Variants in MED7 observed in about 807,000 individuals in gnomAD.
MED7 encodes the protein mediator complex subunit 7, also known as mediator of RNA polymerase II transcription subunit 7.
In MED7, 7 loss-of-function variants were observed where a neutral mutation model predicts 16.6. That is an observed-to-expected ratio of 0.42 (90% confidence interval 0.24 to 0.79). The LOEUF (loss-of-function observed/expected upper bound fraction) is 0.79, where lower values mean the gene tolerates loss of function less well. Among genes scored for constraint, MED7 ranks in the 30% least tolerant of loss-of-function variants. MED7 has a pLI of 0.27. For synonymous variants in MED7, 88 were observed against 90.5 expected (o/e 0.97, Z 0.16); for missense variants, 240 against 286.3 (o/e 0.84, Z 1.17).
Position 157,138,643 on chromosome 5 carries a change from G to C in MED7, c.*87C>G. On this transcript the variant is annotated 3_prime_UTR_variant, in exon 2 of 2. Coordinates refer to ENST00000286317, the MANE Select transcript of MED7 (RefSeq NM_004270.5). ...AAGATTAAAGCTGTTTACATTTTTA[G>C]TGAAACTTCTCTTAAGACTGTCCAA... 1 of 1,185,818 alleles carries C rather than the reference G, an allele frequency of 8.4e-7. No individual in the cohort carries two copies. Among genetic ancestry groups the C allele is most frequent in the Non-Finnish European group, 1.2e-6 (1 of 853,258 alleles). 73.5% of individuals were successfully genotyped at this position (1,185,818 alleles called of 1,614,324 possible).
At chr5:157,140,237 C>T (rs539116331) in intron 1 of MED7, among the ~76,000 whole-genome samples, 4 of 152,308 alleles carry the variant, frequency 2.6e-5, no homozygotes, top group South Asian at 4.1e-4. Flanking sequence ...GGTCTCTTTA[C>T]TCCCCATCTC....
chr5:157,141,472 C>A (rs1757723499), intron 1 of MED7, among the ~76,000 whole-genome samples: 1 of 152,242 alleles, frequency 6.6e-6, no homozygotes, highest in African/African-American at 2.4e-5. Flanking sequence ...GATGTGCATT[C>A]CTGTATTGCG....
Position 157,138,790 on chromosome 5 carries a change from C to G in MED7, c.642G>C (p.Gln214His). The G allele has an allele frequency of 6.2e-7, 1 of 1,614,032 alleles. No individual in the cohort carries two copies. Among genetic ancestry groups the G allele is most frequent in the South Asian group, 1.1e-5 (1 of 91,040 alleles). ...QRENSGHRRD[Q>H]IIEKDAALCV... ...ACAAGGCAGCATCTTTCTCTATAAT[C>G]TGATCTCTCCTATGACCTGAATTTT... is the stretch of plus-strand genomic sequence containing the variant. Residue 214 changes from glutamine (Q) to histidine (H), a missense_variant, in exon 2 of 2, where the codon CAG becomes CAC. Coordinates refer to ENST00000286317, the MANE Select transcript of MED7 (RefSeq NM_004270.5).
At position 157,138,186 on chromosome 5, in the gene MED7, G is replaced by C. The variant is rs1757665058; in HGVS notation, c.*544C>G. 6.6e-6 allele frequency: 1 copy of C among 152,346 alleles called. No individual in the cohort carries two copies. The highest frequency in any genetic ancestry group is 2.4e-5 in the African/African-American group (1 of 41,450). 9.4% of individuals were successfully genotyped at this position (152,346 alleles called of 1,614,324 possible). ...GGACTTCCCTGCAAGAGTCCATTCA[G>C]GATAGGGAGAAAAGACTGAGCTAGT... is the stretch of plus-strand genomic sequence containing the variant. On this transcript the variant is annotated 3_prime_UTR_variant, in exon 2 of 2. Transcript: ENST00000286317.
rs772767081 is a variant in MED7, at chr5:157,139,315, T to C, written c.117A>G (p.Lys39=). The C allele has an allele frequency of 3.7e-6, 6 of 1,614,110 alleles. No homozygotes were observed. Among genetic ancestry groups the C allele is most frequent in the Admixed American group, 1.7e-5 (1 of 60,004 alleles). Residue 39 remains lysine, a synonymous_variant, in exon 2 of 2, where the codon AAA becomes AAG. Transcript: ENST00000286317. ...GLAPKPPPPI[K]DSYMMFGNQF... Reference sequence around the variant, plus strand: ...GATTGCCAAACATCATGTAACTGTCTTTTATTGGAGGGGGAGGCTTGGGAG... The same window carrying C: ...GATTGCCAAACATCATGTAACTGTCCTTTATTGGAGGGGGAGGCTTGGGAG...
At position 157,138,707 on chromosome 5, in the gene MED7, A is replaced by G. The variant is rs748793891; in HGVS notation, c.*23T>C. 3 of 1,541,390 alleles carry G rather than the reference A, an allele frequency of 1.9e-6. No homozygotes were observed. The highest frequency in any genetic ancestry group is 2.6e-6 in the Non-Finnish European group (3 of 1,144,024). On this transcript the variant is annotated 3_prime_UTR_variant, in exon 2 of 2. Transcript: ENST00000286317. Reference sequence around the variant, plus strand: ...AATATATGATGCTATTATCAAAAGGAAAAAAAGAAAAAGAAACATCTTTCA... The same window carrying G: ...AATATATGATGCTATTATCAAAAGGGAAAAAAGAAAAAGAAACATCTTTCA...
Position 157,138,418 on chromosome 5 carries a change from A to G in MED7, c.*312T>C, listed in dbSNP as rs181116420. 2.1e-4 allele frequency: 51 copies of G among 240,628 alleles called. No homozygotes were observed. The highest frequency in any genetic ancestry group is 1.0e-3 in the African/African-American group (46 of 44,686). 14.9% of individuals were successfully genotyped at this position (240,628 alleles called of 1,614,324 possible). ...AAAGCAAATGCTAAATCCCCTTTTC[A>G]AAGACGAAAACTTTGCTATTATTGA... is the stretch of plus-strand genomic sequence containing the variant. On this transcript the variant is annotated 3_prime_UTR_variant, in exon 2 of 2. Coordinates refer to ENST00000286317, the MANE Select transcript of MED7 (RefSeq NM_004270.5).
chr5:157,141,592 T>C (rs1209957607), intron 1 of MED7, among the ~76,000 whole-genome samples: 1 of 151,976 alleles, frequency 6.6e-6, no homozygotes, highest in African/African-American at 2.4e-5. Flanking sequence ...GTTTTTGTTG[T>C]TAGTTTTGTT....
Position 157,139,002 on chromosome 5 carries a change from G to A in MED7, c.430C>T (p.Arg144Cys), listed in dbSNP as rs1343603417. Reference sequence around the variant, plus strand: ...CTCTCAGCTGTTTCAAGCCGTTGACGTTTCTGGACCTCCATCATGACTCTC... The same window carrying A: ...CTCTCAGCTGTTTCAAGCCGTTGACATTTCTGGACCTCCATCATGACTCTC... ...TLRVMMEVQKRQRLETAERFQ... is the reference protein window; with the variant it reads ...TLRVMMEVQKCQRLETAERFQ... The change falls in exon 2 of 2, where the codon CGT becomes TGT. Residue 144 changes from arginine (R) to cysteine (C), a missense_variant. Arg to Cys is a radical substitution (Grantham distance 180, BLOSUM62 -3). Transcript: ENST00000286317. The A allele has an allele frequency of 5.0e-6, 8 of 1,614,028 alleles. No individual in the cohort carries two copies. Among genetic ancestry groups the A allele is most frequent in the Non-Finnish European group, 5.9e-6 (7 of 1,180,036 alleles).
In MED7 at chr5:157,138,056, T is replaced by C. The variant is rs1488088902; in HGVS notation, c.*674A>G. 6.6e-6 allele frequency: 1 copy of C among 152,076 alleles called. No homozygotes were observed. Among genetic ancestry groups the C allele is most frequent in the Non-Finnish European group, 1.5e-5 (1 of 68,026 alleles). The allele number at this position is 152,076 out of a possible 1,614,324, so 9.4% of individuals were successfully genotyped here. ...TGAGCTTAGCTTTAAAGAAAATGTA[T>C]AGCTAATGACACAGACATCTTAATT... On this transcript the variant is annotated 3_prime_UTR_variant, in exon 2 of 2. Coordinates refer to ENST00000286317, the MANE Select transcript of MED7 (RefSeq NM_004270.5).
rs1266112636 is a variant in MED7 at position 157,139,062 on chromosome 5, T to C, written c.370A>G (p.Asn124Asp). The change falls in exon 2 of 2, where the codon AAT becomes GAT. Residue 124 changes from asparagine (N) to aspartate (D), a missense_variant. Transcript: ENST00000286317. ...CTTGCTTGGTGGGGTCGGTATTCATTTATAAGATGATGCACGTGTACAAAA... is the reference window on the plus strand; with the variant it reads ...CTTGCTTGGTGGGGTCGGTATTCATCTATAAGATGATGCACGTGTACAAAA... ...LLFVHVHHLI[N>D]EYRPHQARET... The C allele has an allele frequency of 6.2e-7, 1 of 1,614,024 alleles. No individual in the cohort carries two copies. The highest frequency in any genetic ancestry group is 8.5e-7 in the Non-Finnish European group (1 of 1,180,008).
chr5:157,139,347 C>T lies in MED7; in HGVS notation c.85G>A (p.Gly29Ser). The T allele has an allele frequency of 1.2e-6, 2 of 1,612,946 alleles. No individual in the cohort carries two copies. Among genetic ancestry groups the T allele is most frequent in the Non-Finnish European group, 1.7e-6 (2 of 1,179,652 alleles). Residue 29 changes from glycine (G) to serine (S), a missense_variant, in exon 2 of 2, where the codon GGC (glycine) becomes AGC (serine). Coordinates refer to ENST00000286317, the MANE Select transcript of MED7 (RefSeq NM_004270.5). ...GGAGGGGGAGGCTTGGGAGCTAAGCCTTCTTGAATATTTTCATCCGTATAT... is the reference window on the plus strand; with the variant it reads ...GGAGGGGGAGGCTTGGGAGCTAAGCTTTCTTGAATATTTTCATCCGTATAT... ...KEYTDENIQE[G>S]LAPKPPPPIK...
intron 1 of MED7, among the ~76,000 whole-genome samples, chr5:157,141,059 A>G (rs1180195997): frequency 6.6e-6 from 1 of 151,712 alleles, no homozygotes; most frequent in Non-Finnish European, 1.5e-5. Context: ...CAAAGAATTA[A>G]CAGTGATCTG....
In MED7 at chr5:157,138,652, C is replaced by A; in HGVS notation, c.*78G>T. On this transcript the variant is annotated 3_prime_UTR_variant, in exon 2 of 2. Coordinates refer to ENST00000286317, the MANE Select transcript of MED7 (RefSeq NM_004270.5). Reference sequence around the variant, plus strand: ...GCTGTTTACATTTTTAGTGAAACTTCTCTTAAGACTGTCCAAAAGAAAATG... The same window carrying A: ...GCTGTTTACATTTTTAGTGAAACTTATCTTAAGACTGTCCAAAAGAAAATG... 7.9e-7 allele frequency: 1 copy of A among 1,270,448 alleles called. No individual in the cohort carries two copies. The highest frequency in any genetic ancestry group is 1.1e-6 in the Non-Finnish European group (1 of 924,306). 78.7% of individuals were successfully genotyped at this position (1,270,448 alleles called of 1,614,324 possible).
intron 1 of MED7, 51 bp downstream of exon 1, chr5:157,142,769 A>C (rs1425517376): frequency 6.6e-6 from 1 of 152,430 alleles, no homozygotes; most frequent in Non-Finnish European, 1.5e-5. Context: ...CGGGGTCCGG[A>C]AGAAAAAAAC....
rs1757686621 is a variant in MED7 at position 157,139,187 on chromosome 5, T to C, written c.245A>G (p.Asn82Ser). ...CAAGAAATTAATAAGGATAGACATA[T>C]TAAGTTTTCTCAGTTCTTTCTTGTG... ...FDHKKELRKL[N>S]MSILINFLDL... The change falls in exon 2 of 2, where the codon AAT becomes AGT. Residue 82 changes from asparagine to serine, a missense_variant. Coordinates refer to ENST00000286317, the MANE Select transcript of MED7 (RefSeq NM_004270.5). 6.2e-7 allele frequency: 1 copy of C among 1,612,374 alleles called. No homozygotes were observed. Among genetic ancestry groups the C allele is most frequent in the African/African-American group, 1.3e-5 (1 of 74,716 alleles).
intron 1 of MED7, among the ~76,000 whole-genome samples, chr5:157,141,946 T>C (rs1757730824): frequency 6.6e-6 from 1 of 152,188 alleles, no homozygotes; most frequent in Non-Finnish European, 1.5e-5. Context: ...GAAGTCTCAA[T>C]GAGGGGAAGT....
chr5:157,138,672 A>G lies in MED7; in HGVS notation c.*58T>C, dbSNP rs1757674013. 5 of 1,386,520 alleles carry G rather than the reference A, an allele frequency of 3.6e-6. No individual in the cohort carries two copies. The South Asian group carries it at 5.6e-5, about 16-fold the overall frequency. 85.9% of individuals were successfully genotyped at this position (1,386,520 alleles called of 1,614,324 possible). On this transcript the variant is annotated 3_prime_UTR_variant, in exon 2 of 2. Transcript: ENST00000286317. ...AACTTCTCTTAAGACTGTCCAAAAG[A>G]AAATGAACTAATATATGATGCTATT...
At chr5:157,139,589 C>A in intron 1 of MED7, 141 bp from the exon 2 acceptor site, 1 of 467,090 alleles carries the variant, frequency 2.1e-6, no homozygotes, top group East Asian at 3.4e-5. Flanking sequence ...CTAAAACTAA[C>A]ATTTATGATA....
Sources: gnomAD v4.1 joint callset for allele counts (sites outside exome capture counted in the v4.1 genomes callset) on GRCh38, gnomAD v4.1.1 for gene constraint, MANE v1.5 for transcripts, NCBI Gene and HGNC (gene_info 2026-07-23, HGNC 2026-07-21) for gene names.